The following ADGRB1 variants were observed in gnomAD, a reference collection of about 807,000 sequenced individuals.
ADGRB1 encodes adhesion G protein-coupled receptor B1.
Under a neutral mutation model 175.7 loss-of-function variants are expected in ADGRB1, and 36 were observed. The ratio of observed to expected loss-of-function variants is 0.20; its 90% CI spans 0.16 to 0.27. The LOEUF is 0.27. Among genes scored for constraint, ADGRB1 ranks in the 10% least tolerant of loss-of-function variants. The pLI, the probability that ADGRB1 is intolerant of heterozygous loss-of-function variation, is 1.00. For synonymous variants in ADGRB1, 1,054 were observed against 979.4 expected, an observed-to-expected ratio of 1.08 and a Z score of -1.42; for missense variants, 1,731 against 2,255.3, an observed-to-expected ratio of 0.77 and a Z score of 4.71.
intron 2 of ADGRB1, among the ~76,000 whole-genome samples, chr8:142,471,658 G>A (rs1446095448): frequency 6.6e-6 from 1 of 152,242 alleles, no homozygotes; most frequent in Admixed American, 6.5e-5. Flanking sequence ...GGGGAGCCCC[G>A]CTGCCCCACG....
chr8:142,520,124 T>A (rs1225888957), intron 19 of ADGRB1, among the ~76,000 whole-genome samples: 1 of 147,574 alleles, frequency 6.8e-6, no homozygotes, highest in Non-Finnish European at 1.5e-5. Flanking sequence ...GATTGTATGA[T>A]GATGATGGTG....
intron 27 of ADGRB1, 49 bp downstream of exon 27, chr8:142,539,462 G>C (rs1235283552): frequency 6.3e-7 from 1 of 1,580,946 alleles, no homozygotes; most frequent in Non-Finnish European, 8.6e-7. Flanking sequence ...CCCCCTGCAT[G>C]GCCCCACTCC....
chr8:142,449,996 C>CAA lies in ADGRB1; in HGVS notation c.-327_-326insAA, dbSNP rs1839239627. On this transcript the variant is annotated 5_prime_UTR_variant, in exon 1 of 31. Transcript: ENST00000517894. Reference sequence around the variant, plus strand: ...CGGCGGCGGCTGGAGGAGCCCCCCCCACCTCCGGTCGGGCGCCCGGCTCAG... The same window carrying CAA: ...CGGCGGCGGCTGGAGGAGCCCCCCCCAAACCTCCGGTCGGGCGCCCGGCTCAG... 1 of 150,086 alleles carries CAA rather than the reference C, an allele frequency of 6.7e-6. No homozygotes were observed. The highest frequency in any genetic ancestry group is 1.5e-5 in the Non-Finnish European group (1 of 66,942). The allele number at this position is 150,086 out of a possible 1,614,324, so 9.3% of individuals were successfully genotyped here. A position where few individuals can be genotyped will look rare whatever the true frequency, so the allele number is the denominator to read the frequency against.
In ADGRB1 at chr8:142,542,949, C is replaced by T. The variant is rs569559387; in HGVS notation, c.4413+302C>T. ...TAGTCCAGCCCTTGGGGCAGCCTGG[C>T]AGCACATACCTGCCTAGGTCAGCCT... On this transcript the variant is annotated intron_variant, in intron 28 of 30. Transcript: ENST00000517894. This position sits in a 1 kb window ranked among gnomAD's most constrained non-coding sequence, Gnocchi z 6.3. 9.8e-5 allele frequency among the ~76,000 whole-genome samples: 15 copies of T among 152,340 alleles called. No homozygotes were observed. In the East Asian group the frequency reaches 2.9e-3, roughly 29 times the overall value.
intron 11 of ADGRB1, among the ~76,000 whole-genome samples, chr8:142,482,002 T>G (rs1471127754): frequency 6.7e-6 from 1 of 148,530 alleles, no homozygotes; most frequent in Non-Finnish European, 1.5e-5. Context: ...GGTCACACAC[T>G]GAGCCCTGAC....
intron 27 of ADGRB1, 27 bp downstream of exon 27, chr8:142,539,440 G>A (rs761563275): frequency 4.7e-5 from 75 of 1,598,902 alleles, no homozygotes; most frequent in Non-Finnish European, 6.0e-5. Flanking sequence ...TGAGAGGACA[G>A]TGCCAGCCCG....
intron 17 of ADGRB1, among the ~76,000 whole-genome samples, chr8:142,491,071 G>C (rs1841958396): frequency 6.6e-6 from 1 of 152,200 alleles, no homozygotes; most frequent in Non-Finnish European, 1.5e-5. Flanking sequence ...CAGGCCAGGT[G>C]ATGGGCAGGC....
chr8:142,485,640 C>G (rs936103567), intron 13 of ADGRB1, among the ~76,000 whole-genome samples: 2 of 152,216 alleles, frequency 1.3e-5, no homozygotes, highest in African/African-American at 4.8e-5. Flanking sequence ...GCACACACAC[C>G]CTGGGGCCTT....
intron 2 of ADGRB1, among the ~76,000 whole-genome samples, chr8:142,471,356 T>A (rs562232519): frequency 1.7e-3 from 260 of 152,320 alleles, no homozygotes; most frequent in African/African-American, 5.9e-3. Flanking sequence ...TGGTTCCACT[T>A]CCCAGAAAGA....
chr8:142,460,773 T>C (rs1839930582), intron 1 of ADGRB1, among the ~76,000 whole-genome samples: 2 of 152,148 alleles, frequency 1.3e-5, no homozygotes. Context: ...CGTGTGCACC[T>C]TCCATGCCTG....
intron 9 of ADGRB1, among the ~76,000 whole-genome samples, chr8:142,480,636 C>A (rs935576445): frequency 1.3e-5 from 2 of 152,200 alleles, no homozygotes; most frequent in Non-Finnish European, 2.9e-5. Flanking sequence ...CATTTTTGGC[C>A]CCATCTAAAC....
rs192167561 is a variant in ADGRB1, at chr8:142,456,483, G to A, written c.-220+6379G>A. 1.1e-4 allele frequency among the ~76,000 whole-genome samples: 16 copies of A among 152,208 alleles called. No individual in the cohort carries two copies. The East Asian group carries it at 1.5e-3, about 15-fold the overall frequency. On this transcript the variant is annotated intron_variant, in intron 1 of 30. Coordinates refer to ENST00000517894, the MANE Select transcript of ADGRB1 (RefSeq NM_001702.3). Reference sequence around the variant, plus strand: ...ATGCCACGTGCACACTCACGTGTGCGACTCAGCTGGAACACGCACATTCTG... The same window carrying A: ...ATGCCACGTGCACACTCACGTGTGCAACTCAGCTGGAACACGCACATTCTG...
At chr8:142,490,424 C>T (rs1363238991) in intron 16 of ADGRB1, among the ~76,000 whole-genome samples, 3 of 152,186 alleles carry the variant, frequency 2.0e-5, no homozygotes, top group Non-Finnish European at 4.4e-5. Context: ...GCCCGGTGAC[C>T]CCTGCTCACT....
At chr8:142,479,542 G>C in intron 8 of ADGRB1, 55 bp downstream of exon 8, 1 of 1,507,736 alleles carries the variant, frequency 6.6e-7, no homozygotes, top group South Asian at 1.3e-5. Context: ...GCGATTGGGC[G>C]GGCTTGGGCT....
At chr8:142,528,325 C>A (rs1375931806) in intron 24 of ADGRB1, among the ~76,000 whole-genome samples, 1 of 152,172 alleles carries the variant, frequency 6.6e-6, no homozygotes, top group Non-Finnish European at 1.5e-5. Context: ...TCACTACCTT[C>A]CCCCCATGCC....
chr8:142,454,124 C>T (rs541295843), intron 1 of ADGRB1, among the ~76,000 whole-genome samples: 83 of 152,234 alleles, frequency 5.5e-4, no homozygotes, highest in African/African-American at 1.7e-3. Context: ...AGAGATGGGG[C>T]GCCCCATGGG....
At chr8:142,519,041 G>T (rs965006713) in intron 19 of ADGRB1, among the ~76,000 whole-genome samples, 2 of 152,184 alleles carry the variant, frequency 1.3e-5, no homozygotes, top group African/African-American at 4.8e-5. Context: ...ACAGTGACTG[G>T]GTTGTGGGTA....
chr8:142,539,836 T>C, intron 27 of ADGRB1: 1 of 206,616 alleles, frequency 4.8e-6, no homozygotes, highest in Non-Finnish European at 9.7e-6. Flanking sequence ...CTGTGCCACC[T>C]TCATTTCCTC....
intron 17 of ADGRB1, among the ~76,000 whole-genome samples, chr8:142,494,892 G>T (rs937575794): frequency 2.0e-5 from 3 of 152,098 alleles, no homozygotes. Context: ...GGGGGTGGGG[G>T]TTGCAGAGTT....
Sources: allele counts gnomAD v4.1 joint callset (sites outside exome capture counted in the v4.1 genomes callset), GRCh38; gene constraint gnomAD v4.1.1; non-coding constraint Gnocchi (gnomAD v3.1); transcripts MANE v1.5; gene names NCBI Gene and HGNC (gene_info 2026-07-23, HGNC 2026-07-21).